The following ZNG1C variants were observed in gnomAD, a reference collection of about 807,000 sequenced individuals.
ZNG1C encodes Zn regulated GTPase metalloprotein activator 1C, also known as zinc-regulated GTPase metalloprotein activator 1C.
the ZNG1C span, among the ~76,000 whole-genome samples, chr9:68,257,451 T>C: frequency 2.2e-5 from 1 of 45,798 alleles, no homozygotes; most frequent in South Asian, 4.8e-4. Context: ...TGATGAAATC[T>C]TTGTTCATAT....
chr9:68,296,531 TA>T, the ZNG1C span, among the ~76,000 whole-genome samples: 1 of 152,290 alleles, frequency 6.6e-6, no homozygotes, highest in Non-Finnish European at 1.5e-5. Flanking sequence ...GTTTGGATTA[TA>T]AAATAGTTTT....
chr9:68,288,647 A>T, the ZNG1C span, among the ~76,000 whole-genome samples: 442 of 56,866 alleles, frequency 7.8e-3, no homozygotes, highest in African/African-American at 0.027. Flanking sequence ...TAATTTTTGT[A>T]TTTTTTTTTT....
At chr9:68,248,800 C>T in the ZNG1C span, 4,768 of 402,006 alleles carry the variant, frequency 0.012, 75 homozygotes, top group Non-Finnish European at 0.015. Context: ...TTTTGGTATT[C>T]TCCAGGGACA....
At chr9:68,299,330 A>T in the ZNG1C span, 1 of 605,156 alleles carries the variant, frequency 1.7e-6, no homozygotes, top group African/African-American at 1.9e-5. Context: ...TGATGTACTG[A>T]CCTGGAAAGT....
the ZNG1C span, among the ~76,000 whole-genome samples, chr9:68,268,693 T>C: frequency 7.2e-5 from 11 of 152,266 alleles, no homozygotes; most frequent in African/African-American, 1.9e-4. Context: ...GACAGTTGTG[T>C]GAATTTTTGC....
chr9:68,254,024 G>T, the ZNG1C span: 1 of 44,928 alleles, frequency 2.2e-5, no homozygotes, highest in Non-Finnish European at 5.7e-5. Flanking sequence ...ACTTTTTTTT[G>T]GTCAAATTAT....
chr9:68,283,642 T>TC, the ZNG1C span, among the ~76,000 whole-genome samples: 7 of 32,752 alleles, frequency 2.1e-4, no homozygotes, highest in South Asian at 1.4e-3. Flanking sequence ...TTTTTTTTTT[T>TC]CCCCTTGGAG....
the ZNG1C span, among the ~76,000 whole-genome samples, chr9:68,263,076 AC>A: frequency 6.8e-6 from 1 of 147,394 alleles, no homozygotes. Flanking sequence ...AATTTGCTGA[AC>A]TTTTAGAAGG....
the ZNG1C span, among the ~76,000 whole-genome samples, chr9:68,290,157 G>A: frequency 0.77 from 73,882 of 96,534 alleles, 29,255 homozygotes; most frequent in Middle Eastern, 0.86. Flanking sequence ...GTTCCAAAAT[G>A]TAGATCATCC....
chr9:68,273,864 C>A, the ZNG1C span: 1 of 65,714 alleles, frequency 1.5e-5, no homozygotes, highest in African/African-American at 4.9e-5. Flanking sequence ...TCTTTTGAGG[C>A]GGAGTCTCAC....
At chr9:68,287,186 C>A in the ZNG1C span, among the ~76,000 whole-genome samples, 3 of 150,600 alleles carry the variant, frequency 2.0e-5, no homozygotes, top group African/African-American at 4.9e-5. Flanking sequence ...TCTATAAATT[C>A]CTTAAATATA....
the ZNG1C span, among the ~76,000 whole-genome samples, chr9:68,292,169 AG>A: frequency 1.7e-3 from 253 of 151,974 alleles, no homozygotes; most frequent in Middle Eastern, 6.8e-3. Flanking sequence ...GTAGGACGAA[AG>A]AATCTGAACA....
chr9:68,274,189 C>T, the ZNG1C span: 1 of 150,962 alleles, frequency 6.6e-6, no homozygotes, highest in African/African-American at 2.4e-5. Context: ...AACTCAATCA[C>T]CAGTCTTTAT....
At chr9:68,285,052 T>A in the ZNG1C span, among the ~76,000 whole-genome samples, 340 of 146,372 alleles carry the variant, frequency 2.3e-3, no homozygotes, top group African/African-American at 9.1e-3. Context: ...TATAATGCTT[T>A]AGTGACACTT....
At chr9:68,299,130 G>A in the ZNG1C span, 1 of 1,606,706 alleles carries the variant, frequency 6.2e-7, no homozygotes, top group Non-Finnish European at 8.5e-7. Context: ...GAAACAAAGT[G>A]AAAAATATAT....
At chr9:68,275,733 CA>C in the ZNG1C span, among the ~76,000 whole-genome samples, 7 of 132,916 alleles carry the variant, frequency 5.3e-5, no homozygotes, top group African/African-American at 2.0e-4. Flanking sequence ...CATTGTTGGA[CA>C]TTTGGGTTGG....
chr9:68,275,315 G>T, the ZNG1C span, among the ~76,000 whole-genome samples: 161 of 142,476 alleles, frequency 1.1e-3, no homozygotes, highest in African/African-American at 3.7e-3. Flanking sequence ...TTTTTCTTGA[G>T]TTTTTTTTTA....
the ZNG1C span, chr9:68,247,672 C>T: frequency 8.0e-7 from 1 of 1,255,694 alleles, no homozygotes; most frequent in Non-Finnish European, 1.1e-6. Context: ...TGAAGAGTGG[C>T]TGGAACTTAG....
At chr9:68,292,159 G>A in the ZNG1C span, among the ~76,000 whole-genome samples, 9,283 of 151,684 alleles carry the variant, frequency 0.061, 79 homozygotes, top group Non-Finnish European at 0.08. Flanking sequence ...GGAACACCCC[G>A]TAGGACGAAA....
Sources: allele counts gnomAD v4.1 joint callset (sites outside exome capture counted in the v4.1 genomes callset), GRCh38; gene constraint gnomAD v4.1.1; transcripts MANE v1.5; gene names NCBI Gene and HGNC (gene_info 2026-07-23, HGNC 2026-07-21).